DLG2: variants seen among roughly 807,000 people sequenced by gnomAD.
The protein encoded by DLG2 is disks large homolog 2.
DLG2 carries 45 observed loss-of-function variants against 132.5 expected under a neutral mutation model. The observed-to-expected ratio is 0.34, with a 90% CI of 0.27 to 0.44. The LOEUF is 0.44. DLG2 is among the 20% of genes least tolerant of loss of function. The pLI is 1.00. For missense variants in DLG2, 1,045 were observed against 1,196.9 expected (o/e 0.87, Z 1.87); for synonymous variants, 424 against 419.6 (o/e 1.01, Z -0.13).
chr11:85,033,982 C>T (rs1184239688), intron 6 of DLG2, among the ~76,000 whole-genome samples: 1 of 151,910 alleles, frequency 6.6e-6, no homozygotes, highest in African/African-American at 2.4e-5. Flanking sequence ...AGGTATTAGC[C>T]TAATTGATGT....
intron 3 of DLG2, among the ~76,000 whole-genome samples, chr11:85,552,416 G>C (rs112303096): frequency 6.6e-5 from 10 of 151,410 alleles, no homozygotes; most frequent in African/African-American, 2.4e-4. Context: ...ATCACCTGAG[G>C]ACTTTTCACT....
chr11:84,765,762 T>C (rs1167522081), intron 6 of DLG2, among the ~76,000 whole-genome samples: 1 of 152,052 alleles, frequency 6.6e-6, no homozygotes, highest in Non-Finnish European at 1.5e-5. Flanking sequence ...AAATAAGGTG[T>C]TCAGCATTCT....
At chr11:84,545,045 G>A (rs1010829472) in intron 6 of DLG2, 1 of 452,700 alleles carries the variant, frequency 2.2e-6, no homozygotes, top group Non-Finnish European at 4.4e-6. Flanking sequence ...CCACCACTGT[G>A]CATGGCTGAG....
At chr11:84,385,816 A>G (rs1471443048) in intron 7 of DLG2, among the ~76,000 whole-genome samples, 1 of 152,120 alleles carries the variant, frequency 6.6e-6, no homozygotes, top group Non-Finnish European at 1.5e-5. Context: ...TTAAATGAAC[A>G]ATAAAGAGAC....
intron 6 of DLG2, among the ~76,000 whole-genome samples, chr11:84,935,777 T>A (rs1292286095): frequency 6.6e-6 from 1 of 152,176 alleles, no homozygotes; most frequent in Admixed American, 6.5e-5. Context: ...TAGAAAACTC[T>A]AATCTAGAAA....
chr11:84,824,241 G>A (rs1035968359), intron 6 of DLG2, among the ~76,000 whole-genome samples: 4 of 151,790 alleles, frequency 2.6e-5, no homozygotes, highest in Non-Finnish European at 5.9e-5. Context: ...ACAAATTCAG[G>A]CAGCTGATAA....
At chr11:83,494,883 T>C (rs1015394061) in intron 21 of DLG2, among the ~76,000 whole-genome samples, 6 of 152,152 alleles carry the variant, frequency 3.9e-5, no homozygotes, top group African/African-American at 1.2e-4. Context: ...ATAGGCCACA[T>C]GCAGCTAAAC....
chr11:85,053,105 C>T (rs1176410620), intron 6 of DLG2, among the ~76,000 whole-genome samples: 1 of 152,126 alleles, frequency 6.6e-6, no homozygotes, highest in African/African-American at 2.4e-5. Context: ...AATGCAGTGA[C>T]ATCCTAGCTA....
intron 23 of DLG2, 53 bp downstream of exon 23, chr11:83,472,674 T>A: frequency 6.6e-7 from 1 of 1,509,066 alleles, no homozygotes; most frequent in Admixed American, 1.8e-5. Context: ...CCTTCAATGA[T>A]GTCACCTCTT....
intron 15 of DLG2, among the ~76,000 whole-genome samples, chr11:83,926,990 A>G (rs1319746695): frequency 1.3e-5 from 2 of 152,144 alleles, no homozygotes; most frequent in Non-Finnish European, 2.9e-5. Context: ...CACCATAGAC[A>G]TAGTTTATGG....
At chr11:83,585,099 G>A (rs979566407) in intron 19 of DLG2, among the ~76,000 whole-genome samples, 3 of 152,214 alleles carry the variant, frequency 2.0e-5, no homozygotes, top group Non-Finnish European at 4.4e-5. Context: ...TATTTGTAAT[G>A]TTATTACAAA....
chr11:83,620,771 G>A (rs1267912471), intron 19 of DLG2, among the ~76,000 whole-genome samples: 3 of 147,894 alleles, frequency 2.0e-5, no homozygotes, highest in Non-Finnish European at 4.5e-5. Flanking sequence ...TTGGGAGGCT[G>A]AGGCAGGAGA....
In DLG2 at chr11:85,482,078, A is replaced by T. The variant is rs286498; in HGVS notation, c.40+116579T>A. Among the ~76,000 whole-genome samples, 242 of 152,086 alleles carry T rather than the reference A, an allele frequency of 1.6e-3. 1 individual carries two copies. Among genetic ancestry groups the T allele is most frequent in the African/African-American group, 5.5e-3 (229 of 41,492 alleles). Reference sequence around the variant, plus strand: ...AGAATCAGGCTCCAGACCAACCCCAAGGCCAGGCCAGCCCCTGTGGCCCCA... The same window carrying T: ...AGAATCAGGCTCCAGACCAACCCCATGGCCAGGCCAGCCCCTGTGGCCCCA... On this transcript the variant is annotated intron_variant, in intron 3 of 27. Transcript: ENST00000376104.
chr11:84,993,665 A>G (rs1000205467), intron 6 of DLG2, among the ~76,000 whole-genome samples: 2 of 137,196 alleles, frequency 1.5e-5, no homozygotes, highest in African/African-American at 5.9e-5. Context: ...TGTTTGCTTT[A>G]GGCCTAGGAA....
chr11:83,493,352 CT>C (rs2093971175), intron 21 of DLG2, among the ~76,000 whole-genome samples: 1 of 48,836 alleles, frequency 2.0e-5, no homozygotes, highest in Non-Finnish European at 4.4e-5. Context: ...TCCTTCCTTC[CT>C]TCCTTCCTTC....
intron 14 of DLG2, among the ~76,000 whole-genome samples, chr11:83,944,099 C>G (rs1305307953): frequency 3.3e-5 from 5 of 151,842 alleles, no homozygotes; most frequent in African/African-American, 1.2e-4. Context: ...TTCCCTCAAC[C>G]ATTACTTCGT....
At chr11:83,639,506 G>C (rs1311097337) in intron 18 of DLG2, among the ~76,000 whole-genome samples, 1 of 147,144 alleles carries the variant, frequency 6.8e-6, no homozygotes, top group East Asian at 2.0e-4. Context: ...CTATCGCAAG[G>C]ACAAAAAACC....
chr11:83,668,068 TA>T (rs3040176), intron 18 of DLG2, among the ~76,000 whole-genome samples: 9,831 of 79,760 alleles, frequency 0.12, 613 homozygotes, highest in African/African-American at 0.23. Flanking sequence ...GGAAATGAAG[TA>T]AAAAAAAAAA....
intron 10 of DLG2, among the ~76,000 whole-genome samples, chr11:84,077,449 C>G (rs1566373017): frequency 6.6e-6 from 1 of 152,160 alleles, no homozygotes; most frequent in Non-Finnish European, 1.5e-5. Context: ...CTGTGCCTCT[C>G]CTGCTTTTCT....
Sources: gnomAD v4.1 joint callset for allele counts (sites outside exome capture counted in the v4.1 genomes callset) on GRCh38, gnomAD v4.1.1 for gene constraint, MANE v1.5 for transcripts, NCBI Gene and HGNC (gene_info 2026-07-23, HGNC 2026-07-21) for gene names.